The following DLG2 variants were observed in gnomAD, a reference collection of about 807,000 sequenced individuals.
The protein encoded by DLG2 is disks large homolog 2.
Under a neutral mutation model 132.5 loss-of-function variants are expected in DLG2, and 45 were observed. The ratio of observed to expected loss-of-function variants is 0.34; its 90% CI spans 0.27 to 0.44. The LOEUF is 0.44. Among genes scored for constraint, DLG2 ranks in the 20% least tolerant of loss-of-function variants. DLG2 has a pLI of 1.00. For synonymous variants in DLG2, 424 were observed against 419.6 expected (o/e 1.01, Z -0.13); for missense variants, 1,045 against 1,196.9 (o/e 0.87, Z 1.87).
intron 8 of DLG2, among the ~76,000 whole-genome samples, chr11:84,188,769 T>C (rs1426705949): frequency 6.6e-6 from 1 of 152,110 alleles, no homozygotes; most frequent in African/African-American, 2.4e-5. Flanking sequence ...CAGATTATCC[T>C]TAAAGAAGCA....
chr11:84,733,595 C>T (rs1303371926), intron 6 of DLG2, among the ~76,000 whole-genome samples: 6 of 152,140 alleles, frequency 3.9e-5, no homozygotes, highest in Non-Finnish European at 5.9e-5. Context: ...GTTGCCTGTT[C>T]ACTCTGAGGG....
chr11:83,514,382 A>G (rs985137933), intron 21 of DLG2, among the ~76,000 whole-genome samples: 14 of 152,122 alleles, frequency 9.2e-5, no homozygotes, highest in Non-Finnish European at 1.5e-4. Context: ...TTGATTTTGT[A>G]TCCTGAGACT....
At chr11:84,902,704 A>T (rs1435407790) in intron 6 of DLG2, among the ~76,000 whole-genome samples, 1 of 152,150 alleles carries the variant, frequency 6.6e-6, no homozygotes, top group African/African-American at 2.4e-5. Context: ...GCAGACTGGC[A>T]TGTATAGCTG....
At chr11:84,085,698 C>T (rs949539728) in intron 10 of DLG2, among the ~76,000 whole-genome samples, 2 of 152,148 alleles carry the variant, frequency 1.3e-5, no homozygotes, top group African/African-American at 4.8e-5. Flanking sequence ...TAGATATAAA[C>T]CTACAAATAA....
intron 8 of DLG2, among the ~76,000 whole-genome samples, chr11:84,242,786 T>C (rs1425208433): frequency 6.6e-6 from 1 of 152,142 alleles, no homozygotes; most frequent in African/African-American, 2.4e-5. Flanking sequence ...ATTGCTGACA[T>C]TTGCCTCCAT....
At chr11:85,180,687 G>A (rs555484369) in intron 4 of DLG2, among the ~76,000 whole-genome samples, 1 of 151,752 alleles carries the variant, frequency 6.6e-6, no homozygotes, top group African/African-American at 2.4e-5. Flanking sequence ...AGAACATAGA[G>A]CCCAGGAATG....
At chr11:85,581,625 CA>C (rs1408331301) in intron 3 of DLG2, among the ~76,000 whole-genome samples, 1 of 151,670 alleles carries the variant, frequency 6.6e-6, no homozygotes, top group South Asian at 2.1e-4. Context: ...TTAAAACAAA[CA>C]AAAAAACAAA....
At chr11:85,474,256 A>AG (rs1447283605) in intron 3 of DLG2, among the ~76,000 whole-genome samples, 2 of 152,068 alleles carry the variant, frequency 1.3e-5, no homozygotes, top group African/African-American at 4.8e-5. Context: ...AAATAGAACA[A>AG]GCCTGAAACT....
chr11:85,037,055 C>A (rs1160308533), intron 6 of DLG2, among the ~76,000 whole-genome samples: 2 of 152,210 alleles, frequency 1.3e-5, no homozygotes, highest in Admixed American at 6.5e-5. Context: ...GTGGTGCAGC[C>A]TGCCAGCTCC....
intron 6 of DLG2, among the ~76,000 whole-genome samples, chr11:85,111,305 A>G (rs1235950560): frequency 1.3e-5 from 2 of 152,138 alleles, no homozygotes; most frequent in Non-Finnish European, 2.9e-5. Flanking sequence ...ACAGTGACAA[A>G]AGAGAGAGCA....
chr11:83,787,190 A>C (rs1209155732), intron 17 of DLG2, among the ~76,000 whole-genome samples: 1 of 152,034 alleles, frequency 6.6e-6, no homozygotes, highest in Non-Finnish European at 1.5e-5. Context: ...TAAAAGATTA[A>C]AACATTCAGA....
chr11:84,120,947 C>T (rs567230460), intron 9 of DLG2, among the ~76,000 whole-genome samples: 4 of 152,328 alleles, frequency 2.6e-5, no homozygotes, highest in East Asian at 3.9e-4. Flanking sequence ...TAAACATGCA[C>T]ATAAAATCAG....
chr11:84,861,978 T>C (rs1050314359), intron 6 of DLG2, among the ~76,000 whole-genome samples: 16 of 137,130 alleles, frequency 1.2e-4, no homozygotes, highest in African/African-American at 1.7e-4. Flanking sequence ...CAGGTGGGAA[T>C]TGAACAATGA....
At chr11:85,074,395 A>C (rs974148143) in intron 6 of DLG2, among the ~76,000 whole-genome samples, 1 of 151,856 alleles carries the variant, frequency 6.6e-6, no homozygotes, top group East Asian at 1.9e-4. Context: ...TACAATCAGG[A>C]AGTAATGACC....
intron 7 of DLG2, among the ~76,000 whole-genome samples, chr11:84,448,116 T>C (rs563063804): frequency 2.0e-5 from 3 of 152,102 alleles, no homozygotes; most frequent in African/African-American, 4.8e-5. Context: ...TTCCAAAGCA[T>C]GCAAAAAACA....
At chr11:85,581,997 G>A (rs1018320315) in intron 3 of DLG2, among the ~76,000 whole-genome samples, 1 of 152,180 alleles carries the variant, frequency 6.6e-6, no homozygotes, top group Non-Finnish European at 1.5e-5. Context: ...TAAATTTAAA[G>A]TGAAAACAGT....
chr11:84,920,924 C>T (rs1265182367), intron 6 of DLG2, among the ~76,000 whole-genome samples: 2 of 151,966 alleles, frequency 1.3e-5, no homozygotes. Flanking sequence ...ATGTTTCTAT[C>T]CTTTGAATTT....
chr11:83,859,877 T>C (rs2061165447), intron 16 of DLG2, among the ~76,000 whole-genome samples: 1 of 152,118 alleles, frequency 6.6e-6, no homozygotes, highest in Admixed American at 6.6e-5. Flanking sequence ...TAGGGACTTC[T>C]TGCCCTGCAT....
chr11:85,427,834 A>G (rs1040669092), intron 3 of DLG2, among the ~76,000 whole-genome samples: 3 of 152,232 alleles, frequency 2.0e-5, no homozygotes, highest in African/African-American at 7.2e-5. Flanking sequence ...AGACTGGCAA[A>G]TTGGATAAAG....
Sources: gnomAD v4.1 joint callset for allele counts (sites outside exome capture counted in the v4.1 genomes callset) on GRCh38, gnomAD v4.1.1 for gene constraint, MANE v1.5 for transcripts, NCBI Gene and HGNC (gene_info 2026-07-23, HGNC 2026-07-21) for gene names.